RGMA: variants seen among roughly 807,000 people sequenced by gnomAD.
RGMA encodes repulsive guidance molecule BMP co-receptor a.
In RGMA, 10 loss-of-function variants were observed where a neutral mutation model predicts 23.2. The ratio of observed to expected loss-of-function variants is 0.43; its 90% CI spans 0.27 to 0.73. RGMA has a LOEUF of 0.73. Ranked by LOEUF, RGMA falls within the 30% of genes least tolerant of loss-of-function variation. The pLI, the probability that RGMA is intolerant of heterozygous loss-of-function variation, is 0.20. For missense variants in RGMA, 547 were observed against 630.5 expected (o/e 0.87, Z 1.42); for synonymous variants, 308 against 279.3 (o/e 1.10, Z -1.03).
At chr15:93,088,659 G>T in intron 1 of RGMA, 4 of 989,128 alleles carry the variant, frequency 4.0e-6, no homozygotes, top group Non-Finnish European at 4.1e-6. Flanking sequence ...CGTGTGCCGG[G>T]TCTGCCCAAC....
intron 2 of RGMA, among the ~76,000 whole-genome samples, chr15:93,054,382 A>C (rs1340335345): frequency 1.3e-5 from 2 of 152,138 alleles, no homozygotes; most frequent in Non-Finnish European, 2.9e-5. Flanking sequence ...CCCCACCCAA[A>C]TCTCACCTTG....
intron 2 of RGMA, among the ~76,000 whole-genome samples, chr15:93,071,953 T>A (rs1401568653): frequency 6.6e-6 from 1 of 152,184 alleles, no homozygotes; most frequent in African/African-American, 2.4e-5. Flanking sequence ...CCCGTGACAT[T>A]GTGTTTATTT....
chr15:93,060,778 C>A (rs4778086), intron 2 of RGMA, among the ~76,000 whole-genome samples: 82,268 of 151,466 alleles, frequency 0.54, 22,696 homozygotes, highest in East Asian at 0.82. Flanking sequence ...TGCAGCAGGA[C>A]ATCTCCCTGC....
Position 93,052,452 on chromosome 15 carries a change from C to T in RGMA, c.186G>A (p.Ser62=), listed in dbSNP as rs374052451. 2.5e-6 allele frequency: 4 copies of T among 1,590,672 alleles called. No homozygotes were observed. Among genetic ancestry groups the T allele is most frequent in the African/African-American group, 2.7e-5 (2 of 74,776 alleles). Residue 62 remains serine, a synonymous_variant, in exon 3 of 4, where the codon TCG becomes TCA. Coordinates refer to ENST00000329082, the MANE Select transcript of RGMA (RefSeq NM_020211.3). ...KCNSEFWSAT[S]GSHAPASDDT... is the part of the protein sequence containing the mutation. ...CGTCTGAGGCTGGGGCGTGGCTGCC[C>T]GACGTGGCGCTCCAGAACTCAGAGT...
chr15:93,087,464 C>CAAAAAAAAAA (rs60714695), intron 1 of RGMA, among the ~76,000 whole-genome samples: 1 of 74,478 alleles, frequency 1.3e-5, no homozygotes, highest in Non-Finnish European at 2.3e-5. Context: ...TTTGTATGTG[C>CAAAAAAAAAA]AAAAAAAAAA....
At position 93,055,371 on chromosome 15, in the gene RGMA, C is replaced by T. The variant is rs151008186; in HGVS notation, c.131-2864G>A. 3.0e-3 allele frequency among the ~76,000 whole-genome samples: 461 copies of T among 152,302 alleles called. 2 individuals carry two copies. Among genetic ancestry groups the T allele is most frequent in the Middle Eastern group, 0.027 (8 of 294 alleles). ...TAGGAGAGCAGGGACCGTGAAGTCC[C>T]AGCTGGCTGGCTCCGTCCCAGGTCC... is the stretch of plus-strand genomic sequence containing the variant. On this transcript the variant is annotated intron_variant, in intron 2 of 3. Coordinates refer to ENST00000329082, the MANE Select transcript of RGMA (RefSeq NM_020211.3).
At chr15:93,056,370 T>C (rs1198385974) in intron 2 of RGMA, among the ~76,000 whole-genome samples, 2 of 151,206 alleles carry the variant, frequency 1.3e-5, no homozygotes, top group Non-Finnish European at 2.9e-5. Flanking sequence ...GCGGCCACCT[T>C]AGCCCTGATG....
intron 3 of RGMA, among the ~76,000 whole-genome samples, chr15:93,046,388 C>A (rs1381826236): frequency 6.6e-6 from 1 of 152,214 alleles, no homozygotes; most frequent in East Asian, 1.9e-4. Flanking sequence ...ACCAGCCCTG[C>A]TGATACCTTG....
chr15:93,060,020 AG>A (rs1174346583), intron 2 of RGMA, among the ~76,000 whole-genome samples: 1 of 152,218 alleles, frequency 6.6e-6, no homozygotes, highest in Non-Finnish European at 1.5e-5. Flanking sequence ...GCTGCCCCAC[AG>A]GGTGTGAGCT....
At chr15:93,058,516 C>T (rs2055049796) in intron 2 of RGMA, among the ~76,000 whole-genome samples, 1 of 152,240 alleles carries the variant, frequency 6.6e-6, no homozygotes, top group Non-Finnish European at 1.5e-5. Flanking sequence ...ATGGGAGAGG[C>T]TGAGCTTAAC....
chr15:93,064,518 G>A (rs556586311), intron 2 of RGMA, among the ~76,000 whole-genome samples: 3 of 152,312 alleles, frequency 2.0e-5, no homozygotes, highest in South Asian at 2.1e-4. Context: ...CACCTTCTGC[G>A]TGTGGGGGAA....
At position 93,043,169 on chromosome 15, in the gene RGMA, CGCACACACATGCCTACAT is replaced by C. The variant is rs1174323874; in HGVS notation, c.*1811_*1828del. The C allele has an allele frequency of 6.6e-6, 1 of 152,346 alleles. No homozygotes were observed. Among genetic ancestry groups the C allele is most frequent in the Admixed American group, 6.5e-5 (1 of 15,286 alleles). The allele number at this position is 152,346 out of a possible 1,614,324, so 9.4% of individuals were successfully genotyped here. The stretch of plus-strand genomic sequence containing the variant: ...CACCATTCTCACGCACATACACATG[CGCACACACATGCCTACAT>C]GCACACACATAGGCATGGGCGCACA... On this transcript the variant is annotated 3_prime_UTR_variant, in exon 4 of 4. Coordinates refer to ENST00000329082, the MANE Select transcript of RGMA (RefSeq NM_020211.3).
intron 3 of RGMA, among the ~76,000 whole-genome samples, chr15:93,051,463 C>G (rs2054917555): frequency 6.6e-6 from 1 of 152,244 alleles, no homozygotes; most frequent in African/African-American, 2.4e-5. Flanking sequence ...AAGTCCGATT[C>G]AGGACATCCT....
chr15:93,081,818 C>T (rs1435106302), intron 1 of RGMA, among the ~76,000 whole-genome samples: 1 of 152,222 alleles, frequency 6.6e-6, no homozygotes, highest in African/African-American at 2.4e-5. Context: ...AGACAATCCC[C>T]AGCTGATGGG....
chr15:93,080,739 G>A (rs1362468734), intron 1 of RGMA, among the ~76,000 whole-genome samples: 8 of 152,168 alleles, frequency 5.3e-5, no homozygotes, highest in Non-Finnish European at 1.2e-4. Flanking sequence ...GTATTTGGAT[G>A]TATGACCCTC....
At chr15:93,061,336 A>G (rs1001821213) in intron 2 of RGMA, among the ~76,000 whole-genome samples, 1 of 152,146 alleles carries the variant, frequency 6.6e-6, no homozygotes, top group African/African-American at 2.4e-5. Context: ...ATTTCAGTAG[A>G]GATGGGGTTT....
chr15:93,076,244 T>C (rs940493537), intron 1 of RGMA, among the ~76,000 whole-genome samples: 1 of 152,120 alleles, frequency 6.6e-6, no homozygotes, highest in Non-Finnish European at 1.5e-5. Context: ...GCCTCAATCC[T>C]GAGCATCCCC....
chr15:93,045,364 G>A lies in RGMA; in HGVS notation c.987C>T (p.Ala329=). The A allele has an allele frequency of 1.9e-6, 3 of 1,613,000 alleles. No homozygotes were observed. The highest frequency in any genetic ancestry group is 1.3e-5 in the African/African-American group (1 of 75,038). The change falls in exon 4 of 4, where the codon GCC becomes GCT. Residue 329 remains alanine (A), a synonymous_variant. Coordinates refer to ENST00000329082, the MANE Select transcript of RGMA (RefSeq NM_020211.3). This position sits in a 1 kb window ranked among gnomAD's most constrained non-coding sequence, Gnocchi z 6.9. ...CPLNQQIDFQ[A]FHTNAEGTGA... ...CGGTGCCCTCAGCATTGGTGTGGAA[G>A]GCCTGGAAGTCGATCTGCTGGTTGA... is the stretch of plus-strand genomic sequence containing the variant.
intron 1 of RGMA, among the ~76,000 whole-genome samples, chr15:93,075,477 C>T (rs955935928): frequency 6.6e-6 from 1 of 152,128 alleles, no homozygotes; most frequent in Non-Finnish European, 1.5e-5. Context: ...ATAATGAACC[C>T]CATCCTAAAG....
Sources: gnomAD v4.1 joint callset for allele counts (sites outside exome capture counted in the v4.1 genomes callset) on GRCh38, gnomAD v4.1.1 for gene constraint, Gnocchi (gnomAD v3.1) non-coding constraint, MANE v1.5 for transcripts, NCBI Gene and HGNC (gene_info 2026-07-23, HGNC 2026-07-21) for gene names.